Variants in GPR137 observed in about 807,000 individuals in gnomAD.
GPR137 encodes integral membrane protein GPR137.
A neutral mutation model predicts 38.9 loss-of-function variants in GPR137; 20 were observed. The ratio of observed to expected loss-of-function variants is 0.51; its 90% confidence interval spans 0.36 to 0.75. The LOEUF is 0.75. GPR137 is among the 30% of genes least tolerant of loss of function. The pLI is 0.00. For missense variants in GPR137, 456 were observed against 526.4 expected (o/e 0.87, Z 1.31); for synonymous variants, 226 against 235.8 (o/e 0.96, Z 0.38).
upstream of GPR137, chr11:64,284,396 C>T: frequency 6.2e-7 from 1 of 1,611,724 alleles, no homozygotes; most frequent in Non-Finnish European, 8.5e-7. Flanking sequence ...CAAGATGTTA[C>T]GTAGTCAAGG....
upstream of GPR137, among the ~76,000 whole-genome samples, chr11:64,273,141 G>T (rs2032766078): frequency 6.6e-6 from 1 of 152,220 alleles, no homozygotes; most frequent in Non-Finnish European, 1.5e-5. Flanking sequence ...GGCCAAGGCA[G>T]GTGGATCACC....
intron 2 of GPR137, 68 bp from the exon 3 acceptor site, chr11:64,287,653 A>T: frequency 5.7e-6 from 9 of 1,587,928 alleles, no homozygotes; most frequent in Non-Finnish European, 7.7e-6. Context: ...GGTTTCCTGC[A>T]GGAGGTGGGG....
chr11:64,286,813 C>A lies in GPR137; in HGVS notation c.289C>A (p.Leu97Ile). 1 of 1,601,760 alleles carries A rather than the reference C, an allele frequency of 6.2e-7. No individual in the cohort carries two copies. Among genetic ancestry groups the A allele is most frequent in the Admixed American group, 1.7e-5 (1 of 59,322 alleles). ...CCGCCTGGGGCCCTTGCCCTTCTGG[C>A]TTCTCTACTGCTGCCCCGTCTGCCT... The part of the protein sequence containing the change: ...ANRLGPLPFW[L>I]LYCCPVCLQF... The change falls in exon 1 of 7, where the codon CTT (leucine) becomes ATT (isoleucine). Residue 97 changes from leucine (L) to isoleucine (I), a missense_variant. Coordinates refer to ENST00000438980, the MANE Select transcript of GPR137 (RefSeq NM_001170880.2).
At position 64,286,095 on chromosome 11, in the gene GPR137, T is replaced by G; in HGVS notation, c.-430T>G. 2.1e-5 allele frequency: 21 copies of G among 993,178 alleles called. No individual in the cohort carries two copies. Among genetic ancestry groups the G allele is most frequent in the African/African-American group, 5.2e-5 (3 of 57,590 alleles). 61.5% of individuals were successfully genotyped at this position (993,178 alleles called of 1,614,324 possible). A position where few individuals can be genotyped will look rare whatever the true frequency, so the allele number is the denominator to read the frequency against. On this transcript the variant is annotated 5_prime_UTR_variant, in exon 1 of 7. Coordinates refer to ENST00000438980, the MANE Select transcript of GPR137 (RefSeq NM_001170880.2). ...GCTTGGGGAGGGGGAGAGCGGGGCATTGGGCGCCCCTCGCAGCGGCCGCTG... is the reference window on the plus strand; with the variant it reads ...GCTTGGGGAGGGGGAGAGCGGGGCAGTGGGCGCCCCTCGCAGCGGCCGCTG...
At chr11:64,284,513 T>A, upstream of GPR137, 8 of 1,548,976 alleles carry the variant, frequency 5.2e-6, 1 homozygote, top group South Asian at 9.3e-5. Flanking sequence ...CCCTCATCTG[T>A]CTGCCGGGTC....
chr11:64,273,087 G>A (rs1317974915), upstream of GPR137, among the ~76,000 whole-genome samples: 1 of 152,190 alleles, frequency 6.6e-6, no homozygotes, highest in East Asian at 1.9e-4. Flanking sequence ...AATAAAAGAA[G>A]GCCAGACGTG....
upstream of GPR137, chr11:64,271,882 T>C: frequency 8.3e-7 from 1 of 1,209,174 alleles, no homozygotes; most frequent in Non-Finnish European, 1.1e-6. Context: ...ACCCTCCCCA[T>C]CAGCTCTGCA....
At chr11:64,284,136 G>C (rs764551221), upstream of GPR137, 2 of 1,522,998 alleles carry the variant, frequency 1.3e-6, no homozygotes, top group Non-Finnish European at 1.8e-6. Context: ...GAGCCAGTGG[G>C]CTGGGGGTGA....
upstream of GPR137, among the ~76,000 whole-genome samples, chr11:64,273,855 C>CA (rs34577596): frequency 0.2 from 10,841 of 54,868 alleles, 2,190 homozygotes; most frequent in Middle Eastern, 0.32. Context: ...GCACCCATCT[C>CA]AAAAAAAAAA....
At chr11:64,287,102 G>C in intron 2 of GPR137, 88 bp downstream of exon 2, 5 of 1,532,906 alleles carry the variant, frequency 3.3e-6, no homozygotes, top group Non-Finnish European at 4.4e-6. Context: ...TCTCAGGGCT[G>C]AGACAAAGGC....
At chr11:64,282,148 C>T (rs1167337757), upstream of GPR137, among the ~76,000 whole-genome samples, 2 of 152,200 alleles carry the variant, frequency 1.3e-5, no homozygotes, top group Non-Finnish European at 1.5e-5. Flanking sequence ...GGATTCCTGA[C>T]GCTTGGGTTC....
chr11:64,286,990 G>A lies in GPR137; in HGVS notation c.383G>A (p.Arg128His), dbSNP rs780898664. The A allele has an allele frequency of 5.0e-6, 8 of 1,613,778 alleles. No homozygotes were observed. Among genetic ancestry groups the A allele is most frequent in the African/African-American group, 1.3e-5 (1 of 74,920 alleles). Residue 128 changes from arginine to histidine, a missense_variant, in exon 2 of 7, where the codon CGT (arginine) becomes CAT (histidine). Coordinates refer to ENST00000438980, the MANE Select transcript of GPR137 (RefSeq NM_001170880.2). ...GTGGTGTTCAAGGCCAAGGTGAAGC[G>A]TCGGCCGGAGATGAGCCGAGGCTTG... Reference protein sequence around the residue: ...AQVVFKAKVKRRPEMSRGLLA... With the variant: ...AQVVFKAKVKHRPEMSRGLLA...
upstream of GPR137, among the ~76,000 whole-genome samples, chr11:64,270,916 CACACACA>C (rs2032475029): frequency 7.5e-6 from 1 of 132,620 alleles, no homozygotes; most frequent in Admixed American, 7.4e-5. Flanking sequence ...CACACACACA[CACACACA>C]CACACACACG....
chr11:64,280,135 G>T (rs1207030702), upstream of GPR137, among the ~76,000 whole-genome samples: 2 of 151,430 alleles, frequency 1.3e-5, no homozygotes, highest in Non-Finnish European at 2.9e-5. Context: ...GGCTAACATG[G>T]TGAAACCCCA....
chr11:64,273,029 C>G (rs2032755359), upstream of GPR137, among the ~76,000 whole-genome samples: 1 of 152,034 alleles, frequency 6.6e-6, no homozygotes, highest in African/African-American at 2.4e-5. Flanking sequence ...AGTTCGAGAC[C>G]AGCCTAGGCA....
upstream of GPR137, among the ~76,000 whole-genome samples, chr11:64,280,686 GA>G (rs2033409220): frequency 6.7e-6 from 1 of 150,232 alleles, no homozygotes; most frequent in Admixed American, 6.6e-5. Context: ...TTTGTTTTTT[GA>G]GACGGACTCT....
chr11:64,280,604 G>T (rs2033403066), upstream of GPR137, among the ~76,000 whole-genome samples: 1 of 151,044 alleles, frequency 6.6e-6, no homozygotes, highest in Non-Finnish European at 1.5e-5. Flanking sequence ...GCCCGCCTCG[G>T]CCTCCCAAAG....
At chr11:64,276,656 T>A in intron 2 of GPR137, 1 of 480,268 alleles carries the variant, frequency 2.1e-6, no homozygotes, top group South Asian at 2.9e-5. Flanking sequence ...AGTGTTCTAT[T>A]TACAGGGAAA....
rs763418203 is a variant in GPR137, at chr11:64,289,122, A to G, written c.1117A>G (p.Thr373Ala). The G allele has an allele frequency of 1.9e-6, 3 of 1,612,876 alleles. No individual in the cohort carries two copies. Among genetic ancestry groups the G allele is most frequent in the South Asian group, 2.2e-5 (2 of 91,068 alleles). The change falls in exon 7 of 7, where the codon ACT becomes GCT. Residue 373 changes from threonine to alanine, a missense_variant. Physicochemically the swap from Thr to Ala is moderately conservative, Grantham distance 58. Transcript: ENST00000438980. Reference sequence around the variant, plus strand: ...GTATGGGGGCAGCCAGACGAAGACCACTCCTCTGCTCTTCTCCCAGGTGCC... The same window carrying G: ...GTATGGGGGCAGCCAGACGAAGACCGCTCCTCTGCTCTTCTCCCAGGTGCC... The part of the protein sequence containing the change: ...GWYGGSQTKT[T>A]PLLFSQVPGP...
Sources: gnomAD v4.1 joint callset for allele counts (sites outside exome capture counted in the v4.1 genomes callset) on GRCh38, gnomAD v4.1.1 for gene constraint, MANE v1.5 for transcripts, NCBI Gene and HGNC (gene_info 2026-07-23, HGNC 2026-07-21) for gene names.